The following NYAP2 variants were observed in gnomAD, a reference collection of about 807,000 sequenced individuals.
NYAP2 encodes neuronal tyrosine-phosphorylated phosphoinositide-3-kinase adaptor 2, also known as neuronal tyrosine-phosphorylated phosphoinositide-3-kinase adapter 2.
In NYAP2, 23 loss-of-function variants were observed where a neutral mutation model predicts 50.4. That is an observed-to-expected ratio of 0.46 (90% CI 0.33 to 0.65). The LOEUF is 0.65. NYAP2 is among the 30% of genes least tolerant of loss of function. NYAP2 has a pLI of 0.02. For synonymous variants in NYAP2, 394 were observed against 365.2 expected (o/e 1.08, Z -0.90); for missense variants, 885 against 861.0 (o/e 1.03, Z -0.35).
chr2:225,585,583 C>T (rs1271655309), intron 5 of NYAP2, among the ~76,000 whole-genome samples: 2 of 152,168 alleles, frequency 1.3e-5, no homozygotes, highest in Non-Finnish European at 2.9e-5. Context: ...TTCACATGTG[C>T]TATTAACCAT....
intron 6 of NYAP2, among the ~76,000 whole-genome samples, chr2:225,641,736 C>A (rs977870934): frequency 6.6e-6 from 1 of 151,984 alleles, no homozygotes; most frequent in Non-Finnish European, 1.5e-5. Flanking sequence ...TTGCTTGAAC[C>A]AGGACCCGGG....
chr2:225,641,291 G>A (rs1693525529), intron 6 of NYAP2, among the ~76,000 whole-genome samples: 1 of 152,092 alleles, frequency 6.6e-6, no homozygotes, highest in Non-Finnish European at 1.5e-5. Flanking sequence ...TTATAAAATA[G>A]AAGACTCTGT....
chr2:225,601,183 C>T lies in NYAP2; in HGVS notation c.1618+18148C>T, dbSNP rs561151190. Among the ~76,000 whole-genome samples the T allele has an allele frequency of 9.0e-4, 134 of 149,682 alleles. 5 individuals are homozygous for T. Among genetic ancestry groups the T allele is most frequent in the South Asian group, 1.1e-3 (5 of 4,726 alleles). ...GTCCCCAGGCTGGAGAGCAGTGACG[C>T]GATCTTGGCTCACTGCAACCTCTAC... On this transcript the variant is annotated intron_variant, in intron 5 of 6. Coordinates refer to ENST00000636099, the Ensembl canonical transcript of NYAP2.
chr2:225,458,726 C>A (rs1184423018), intron 3 of NYAP2, among the ~76,000 whole-genome samples: 2 of 152,194 alleles, frequency 1.3e-5, no homozygotes, highest in Non-Finnish European at 2.9e-5. Context: ...CGTGTCCCAC[C>A]TTTAGCAGCT....
intron 6 of NYAP2, among the ~76,000 whole-genome samples, chr2:225,639,182 T>C (rs932792373): frequency 6.6e-6 from 1 of 152,178 alleles, no homozygotes; most frequent in Non-Finnish European, 1.5e-5. Flanking sequence ...AATACAGTTT[T>C]CTGATGCATA....
At chr2:225,400,807 GA>G (rs1408437463) in exon 2 of NYAP2, 3 of 152,466 alleles carry the variant, frequency 2.0e-5, no homozygotes, top group Non-Finnish European at 4.4e-5. Flanking sequence ...TATCTGATAG[GA>G]AGGACATCGA....
chr2:225,513,551 C>G, exon 4 of NYAP2: 1 of 1,609,814 alleles, frequency 6.2e-7, no homozygotes, highest in South Asian at 1.1e-5. Flanking sequence ...GCAGCTGTGG[C>G]TCACGGAGAC....
At chr2:225,585,884 A>T (rs887848465) in intron 5 of NYAP2, among the ~76,000 whole-genome samples, 2 of 152,208 alleles carry the variant, frequency 1.3e-5, no homozygotes, top group Admixed American at 6.5e-5. Flanking sequence ...ACTCATGGAT[A>T]CAATTCTCCC....
At chr2:225,571,661 A>C (rs937627207) in intron 4 of NYAP2, among the ~76,000 whole-genome samples, 1 of 152,190 alleles carries the variant, frequency 6.6e-6, no homozygotes, top group African/African-American at 2.4e-5. Flanking sequence ...GCTCCAGCCC[A>C]TAAAACCCTT....
intron 5 of NYAP2, among the ~76,000 whole-genome samples, chr2:225,597,066 G>GTGAAAAAC (rs1263995323): frequency 6.6e-6 from 1 of 152,098 alleles, no homozygotes; most frequent in East Asian, 1.9e-4. Flanking sequence ...ATTTGTATCT[G>GTGAAAAAC]TGAAAAACAA....
intron 2 of NYAP2, among the ~76,000 whole-genome samples, chr2:225,407,230 G>A (rs1694956496): frequency 6.6e-6 from 1 of 151,914 alleles, no homozygotes; most frequent in African/African-American, 2.4e-5. Flanking sequence ...ATCATTTGTA[G>A]CATTAATTTA....
At chr2:225,624,595 G>A (rs1460869258) in intron 5 of NYAP2, among the ~76,000 whole-genome samples, 1 of 152,098 alleles carries the variant, frequency 6.6e-6, no homozygotes, top group Non-Finnish European at 1.5e-5. Context: ...GTAGATAATA[G>A]GCTACAGTTC....
At chr2:225,490,630 C>T (rs114426334) in intron 3 of NYAP2, among the ~76,000 whole-genome samples, 30 of 152,226 alleles carry the variant, frequency 2.0e-4, no homozygotes, top group African/African-American at 7.0e-4. Flanking sequence ...GAGGATTAGG[C>T]AATCCAAATC....
chr2:225,615,066 C>T (rs1692964673), intron 5 of NYAP2, among the ~76,000 whole-genome samples: 1 of 152,138 alleles, frequency 6.6e-6, no homozygotes, highest in Non-Finnish European at 1.5e-5. Context: ...TTTTATAGGA[C>T]ATTTGATGCC....
At position 225,450,692 on chromosome 2, in the gene NYAP2, G is replaced by C. The variant is rs144721101; in HGVS notation, c.221+41591G>C. 8.5e-3 allele frequency among the ~76,000 whole-genome samples: 1,302 copies of C among 152,292 alleles called. 18 individuals are homozygous for C. The highest frequency in any genetic ancestry group is 0.029 in the African/African-American group (1,225 of 41,562). On this transcript the variant is annotated intron_variant, in intron 3 of 6. Transcript: ENST00000636099. ...CATATTTATAGTCCTTAGAAAAGTG[G>C]CTGCCACATAGTAAATTGTCCACAA...
At chr2:225,605,791 T>TTTTTTAC (rs1253855216) in intron 5 of NYAP2, among the ~76,000 whole-genome samples, 1 of 152,146 alleles carries the variant, frequency 6.6e-6, no homozygotes, top group African/African-American at 2.4e-5. Flanking sequence ...TTAGCTCCTA[T>TTTTTTAC]TTATTTATTT....
the NYAP2 span, among the ~76,000 whole-genome samples, chr2:225,690,022 A>T: frequency 3.9e-5 from 6 of 152,122 alleles, no homozygotes; most frequent in African/African-American, 9.6e-5. Flanking sequence ...TTACCTGTTC[A>T]AATAGCTTCA....
intron 5 of NYAP2, among the ~76,000 whole-genome samples, chr2:225,610,887 T>G (rs1692870002): frequency 6.6e-6 from 1 of 152,182 alleles, no homozygotes; most frequent in African/African-American, 2.4e-5. Flanking sequence ...GGCTTTCTGT[T>G]TAACTGTTTA....
rs201746887 is a variant in NYAP2, at chr2:225,510,933, CA to C, written c.222-2434del. 6.2e-3 allele frequency among the ~76,000 whole-genome samples: 937 copies of C among 152,160 alleles called. 6 individuals carry two copies. The highest frequency in any genetic ancestry group is 0.01 in the Non-Finnish European group (696 of 67,998). On this transcript the variant is annotated intron_variant, in intron 3 of 6. Coordinates refer to ENST00000636099, the Ensembl canonical transcript of NYAP2. ...GAAAAAGTTCAGGCTCCATTTAGGT[CA>C]AAAGTAACTGAGAAATTGCTGATAG...
Sources: allele counts gnomAD v4.1 joint callset (sites outside exome capture counted in the v4.1 genomes callset), GRCh38; gene constraint gnomAD v4.1.1; transcripts MANE v1.5; gene names NCBI Gene and HGNC (gene_info 2026-07-23, HGNC 2026-07-21).